PPARGC1A: variants seen among roughly 807,000 people sequenced by gnomAD.
PPARGC1A encodes the protein peroxisome proliferator-activated receptor gamma coactivator 1-alpha.
PPARGC1A carries 25 observed loss-of-function variants against 88.7 expected under a neutral mutation model. That is an observed-to-expected ratio of 0.28 (90% confidence interval 0.21 to 0.39). PPARGC1A has a LOEUF of 0.39. Among genes scored for constraint, PPARGC1A ranks in the 10% least tolerant of loss-of-function variants. PPARGC1A has a pLI of 1.00. For synonymous variants in PPARGC1A, 363 were observed against 355.6 expected (o/e 1.02, Z -0.24); for missense variants, 880 against 968.7 (o/e 0.91, Z 1.22).
the PPARGC1A span, among the ~76,000 whole-genome samples, chr4:24,008,913 T>C: frequency 1.3e-5 from 2 of 152,060 alleles, no homozygotes; most frequent in Admixed American, 6.5e-5. Flanking sequence ...TCAGCAAAGA[T>C]AAAAATATGT....
the PPARGC1A span, among the ~76,000 whole-genome samples, chr4:24,138,273 A>G: frequency 1.3e-5 from 2 of 152,178 alleles, no homozygotes; most frequent in Non-Finnish European, 2.9e-5. Flanking sequence ...ACCTGAGAGC[A>G]TATCCACCCA....
chr4:24,459,430 T>G, the PPARGC1A span, among the ~76,000 whole-genome samples: 1 of 151,812 alleles, frequency 6.6e-6, no homozygotes, highest in Non-Finnish European at 1.5e-5. Flanking sequence ...TACACTGTAT[T>G]TAATGTTATG....
the PPARGC1A span, among the ~76,000 whole-genome samples, chr4:23,993,687 A>C: frequency 2.0e-5 from 3 of 152,154 alleles, no homozygotes; most frequent in Admixed American, 6.6e-5. Context: ...GCAGGGTTTG[A>C]ACCAAGCTCC....
upstream of PPARGC1A, among the ~76,000 whole-genome samples, chr4:23,892,209 T>A (rs962717241): frequency 4.6e-5 from 7 of 152,200 alleles, no homozygotes; most frequent in South Asian, 1.4e-3. Context: ...TTTTTTGCCA[T>A]CTAATTCTAC....
the PPARGC1A span, among the ~76,000 whole-genome samples, chr4:24,194,899 G>C: frequency 6.6e-6 from 1 of 152,150 alleles, no homozygotes; most frequent in South Asian, 2.1e-4. Context: ...CTCTGGAGTA[G>C]AGAATATGGT....
the PPARGC1A span, among the ~76,000 whole-genome samples, chr4:24,077,864 T>G: frequency 6.6e-6 from 1 of 152,048 alleles, no homozygotes; most frequent in Non-Finnish European, 1.5e-5. Flanking sequence ...ATTTTCATGT[T>G]TGCTTTTATT....
At chr4:24,329,860 C>T in the PPARGC1A span, among the ~76,000 whole-genome samples, 1 of 152,140 alleles carries the variant, frequency 6.6e-6, no homozygotes, top group Non-Finnish European at 1.5e-5. Flanking sequence ...AAAGCAAACC[C>T]AGTAAAACAA....
the PPARGC1A span, among the ~76,000 whole-genome samples, chr4:24,285,265 C>G: frequency 2.6e-5 from 4 of 152,168 alleles, no homozygotes; most frequent in African/African-American, 9.7e-5. Flanking sequence ...TCCATCAAGT[C>G]CTCCTCTTTC....
chr4:24,393,463 C>G, the PPARGC1A span, among the ~76,000 whole-genome samples: 1 of 152,164 alleles, frequency 6.6e-6, no homozygotes, highest in South Asian at 2.1e-4. Flanking sequence ...ACATAACATA[C>G]GCACCCTTGC....
chr4:23,944,058 C>T, the PPARGC1A span, among the ~76,000 whole-genome samples: 1 of 151,870 alleles, frequency 6.6e-6, no homozygotes, highest in African/African-American at 2.4e-5. Context: ...AGAAAAAGGA[C>T]ATTATAGAAA....
intron 2 of PPARGC1A, among the ~76,000 whole-genome samples, chr4:23,850,689 T>C (rs980032632): frequency 5.9e-5 from 9 of 152,196 alleles, no homozygotes; most frequent in African/African-American, 2.2e-4. Flanking sequence ...AGGGATACTG[T>C]CAAGCCCTTT....
the PPARGC1A span, among the ~76,000 whole-genome samples, chr4:24,279,609 G>A: frequency 3.3e-5 from 5 of 152,026 alleles, 1 homozygote; most frequent in African/African-American, 1.2e-4. Flanking sequence ...AGACTCTCCC[G>A]CGTTGATTCA....
the PPARGC1A span, among the ~76,000 whole-genome samples, chr4:24,168,945 A>G: frequency 6.6e-6 from 1 of 152,346 alleles, no homozygotes. Context: ...AGACCTGTGC[A>G]TAGTGACTTT....
chr4:24,371,758 T>C, the PPARGC1A span, among the ~76,000 whole-genome samples: 1 of 144,566 alleles, frequency 6.9e-6, no homozygotes, highest in East Asian at 2.0e-4. Context: ...CTGGCCAACA[T>C]GATGAAACCC....
At chr4:24,291,271 T>C in the PPARGC1A span, among the ~76,000 whole-genome samples, 10 of 152,282 alleles carry the variant, frequency 6.6e-5, no homozygotes, top group African/African-American at 2.4e-4. Context: ...TCTCTCTCTC[T>C]CAGTATCTCT....
chr4:23,862,989 C>G lies in PPARGC1A; in HGVS notation c.234+21763G>C, dbSNP rs138060050. 6.0e-3 allele frequency among the ~76,000 whole-genome samples: 908 copies of G among 152,264 alleles called. 4 individuals are homozygous for G. The highest frequency in any genetic ancestry group is 0.013 in the South Asian group (63 of 4,828). On this transcript the variant is annotated intron_variant, in intron 2 of 12. Coordinates refer to ENST00000264867, the MANE Select transcript of PPARGC1A (RefSeq NM_013261.5). The stretch of plus-strand genomic sequence containing the variant: ...CGCATCACATTCCTCTCTGCGCCTT[C>G]CCTGAAACATGTCCTCTTCTCATTC...
At chr4:24,049,338 A>G in the PPARGC1A span, among the ~76,000 whole-genome samples, 1,461 of 135,550 alleles carry the variant, frequency 0.011, 22 homozygotes, top group African/African-American at 0.036. Context: ...GTGTGTGTAT[A>G]TATATATATA....
the PPARGC1A span, among the ~76,000 whole-genome samples, chr4:23,974,799 A>ATTTTTTTTTTTTTTTTTTTTTTTTT: frequency 1.1e-4 from 7 of 61,126 alleles, no homozygotes; most frequent in Admixed American, 3.3e-4. Flanking sequence ...GGCCCGGCTA[A>ATTTTTTTTTTTTTTTTTTTTTTTTT]TTTTTTTTTT....
intron 2 of PPARGC1A, among the ~76,000 whole-genome samples, chr4:23,879,704 T>G (rs2148815832): frequency 6.6e-6 from 1 of 152,334 alleles, no homozygotes; most frequent in African/African-American, 2.4e-5. Context: ...TGTCTGATTT[T>G]CCGTATTTCC....
Sources: gnomAD v4.1 joint callset for allele counts (sites outside exome capture counted in the v4.1 genomes callset) on GRCh38, gnomAD v4.1.1 for gene constraint, MANE v1.5 for transcripts, NCBI Gene and HGNC (gene_info 2026-07-23, HGNC 2026-07-21) for gene names.